WNK2: variants seen among roughly 807,000 people sequenced by gnomAD.
The protein encoded by WNK2 is WNK lysine deficient protein kinase 2.
A neutral mutation model predicts 192.1 loss-of-function variants in WNK2; 67 were observed. The observed-to-expected ratio is 0.35, with a 90% confidence interval of 0.29 to 0.43. WNK2 has a LOEUF of 0.43. Among genes scored for constraint, WNK2 ranks in the 20% least tolerant of loss-of-function variants. The pLI is 1.00. For missense variants in WNK2, 2,698 were observed against 3,089.7 expected, an observed-to-expected ratio of 0.87 and a Z score of 3.01; for synonymous variants, 1,439 against 1,393.9, an observed-to-expected ratio of 1.03 and a Z score of -0.72.
intron 7 of WNK2, among the ~76,000 whole-genome samples, chr9:93,244,265 G>T (rs182948916): frequency 1.3e-5 from 2 of 152,320 alleles, no homozygotes; most frequent in African/African-American, 4.8e-5. Flanking sequence ...AGATGGAAGA[G>T]GCCAGATGGA....
intron 8 of WNK2, among the ~76,000 whole-genome samples, chr9:93,249,907 ATTTTTTTT>A (rs58293954): frequency 1.5e-4 from 13 of 85,442 alleles, no homozygotes; most frequent in East Asian, 7.5e-4. Flanking sequence ...GATGCTACCA[ATTTTTTTT>A]TTTTTTTTTT....
Position 93,259,107 on chromosome 9 carries a change from C to A in WNK2, c.2559C>A (p.Ala853=). ...LAAPLPPASP[A]LPLQAVKLPH... ...CCCCACTCCCCCCTGCGTCCCCAGC[C>A]TTGCCTCTGCAGGCTGTGAAGCTGC... The change falls in exon 12 of 30, where the codon GCC becomes GCA. Residue 853 remains alanine (A), a synonymous_variant. Transcript: ENST00000427277. The surrounding 1 kb of genome is among the most constrained non-coding windows in gnomAD (Gnocchi z 4.8). 1 of 1,612,688 alleles carries A rather than the reference C, an allele frequency of 6.2e-7. No individual in the cohort carries two copies. The highest frequency in any genetic ancestry group is 8.5e-7 in the Non-Finnish European group (1 of 1,179,584).
intron 2 of WNK2, among the ~76,000 whole-genome samples, chr9:93,193,580 G>C (rs898342308): frequency 6.6e-6 from 1 of 152,204 alleles, no homozygotes; most frequent in African/African-American, 2.4e-5. Flanking sequence ...GGGTGTGAAC[G>C]GCAGCAGCTG....
intron 7 of WNK2, among the ~76,000 whole-genome samples, chr9:93,246,686 C>T (rs1466431404): frequency 6.6e-6 from 1 of 152,238 alleles, no homozygotes; most frequent in Non-Finnish European, 1.5e-5. Flanking sequence ...TCCCTCTGTG[C>T]CTGGCACTGC....
At chr9:93,236,600 C>T (rs1445223414) in intron 5 of WNK2, among the ~76,000 whole-genome samples, 1 of 152,250 alleles carries the variant, frequency 6.6e-6, no homozygotes, top group African/African-American at 2.4e-5. Flanking sequence ...GCAAGCAGCA[C>T]CTGGCCCCGC....
Position 93,288,796 on chromosome 9 carries a change from C to T in WNK2, c.4042C>T (p.Pro1348Ser), listed in dbSNP as rs1356761179. 6.2e-7 allele frequency: 1 copy of T among 1,610,446 alleles called. No individual in the cohort carries two copies. The highest frequency in any genetic ancestry group is 8.5e-7 in the Non-Finnish European group (1 of 1,178,882). Residue 1348 changes from proline (P) to serine (S), a missense_variant, in exon 20 of 30, where the codon CCC becomes TCC. Transcript: ENST00000427277. ...LPPEASQDSA[P>S]YKDQLSSKEQ... ...TTCCCCATTTCTTCTAGATTCAGCG[C>T]CCTATAAAGACCAGCTGTCCTCGAA... is the stretch of plus-strand genomic sequence containing the variant.
At chr9:93,243,370 C>CCACA (rs1157809335) in intron 7 of WNK2, among the ~76,000 whole-genome samples, 1 of 152,208 alleles carries the variant, frequency 6.6e-6, no homozygotes, top group East Asian at 1.9e-4. Flanking sequence ...GTGCCCATCA[C>CCACA]CACACAAGTC....
At chr9:93,206,602 A>T (rs921016869) in intron 2 of WNK2, among the ~76,000 whole-genome samples, 1 of 11,566 alleles carries the variant, frequency 8.6e-5, no homozygotes, top group Non-Finnish European at 1.8e-4. Context: ...TGACTGGGGG[A>T]GGTGGGAGGG....
intron 26 of WNK2, 166 bp from the exon 27 acceptor site, chr9:93,306,611 A>T: frequency 1.2e-6 from 1 of 831,354 alleles, no homozygotes; most frequent in Non-Finnish European, 2.0e-6. Flanking sequence ...CCCTCTCTCC[A>T]GGGGCTGCCC....
chr9:93,292,418 C>T (rs1474981220), intron 22 of WNK2, 22 bp downstream of exon 22: 1 of 1,613,764 alleles, frequency 6.2e-7, no homozygotes, highest in African/African-American at 1.3e-5. Context: ...TTGACGACCC[C>T]CTGGCTGGTT....
At chr9:93,212,361 G>A (rs1159096687) in intron 2 of WNK2, among the ~76,000 whole-genome samples, 2 of 152,236 alleles carry the variant, frequency 1.3e-5, no homozygotes, top group African/African-American at 4.8e-5. Context: ...GAGTCACAGT[G>A]TGTGGCCCCC....
At chr9:93,224,558 G>T (rs771778424) in intron 2 of WNK2, among the ~76,000 whole-genome samples, 1 of 152,206 alleles carries the variant, frequency 6.6e-6, no homozygotes, top group Non-Finnish European at 1.5e-5. Context: ...TTTGCTGCCC[G>T]GCTTGGAGGG....
intron 2 of WNK2, among the ~76,000 whole-genome samples, chr9:93,194,803 C>A (rs995054037): frequency 6.6e-6 from 1 of 152,100 alleles, no homozygotes; most frequent in South Asian, 2.1e-4. Context: ...TGGAAGCAAC[C>A]CAGATGTCCT....
chr9:93,216,535 A>C (rs1426019341), intron 2 of WNK2, among the ~76,000 whole-genome samples: 6 of 152,124 alleles, frequency 3.9e-5, no homozygotes, highest in Admixed American at 2.6e-4. Flanking sequence ...CCAAGGTGGG[A>C]GGATTGCTTG....
intron 12 of WNK2, among the ~76,000 whole-genome samples, chr9:93,260,793 G>C (rs1844099989): frequency 6.6e-6 from 1 of 152,222 alleles, no homozygotes. Flanking sequence ...GGTCCCAGCA[G>C]GTTTCAGCGG....
At position 93,268,550 on chromosome 9, in the gene WNK2, G is replaced by C. The variant is rs1215754266; in HGVS notation, c.3914-77G>C. On this transcript the variant is annotated intron_variant, in intron 18 of 29. Transcript: ENST00000427277. ...TTCACAGACCCACTGTGGCAAGTCTGGTGCAGGTGATGGGGGTCACACTGG... is the reference window on the plus strand; with the variant it reads ...TTCACAGACCCACTGTGGCAAGTCTCGTGCAGGTGATGGGGGTCACACTGG... The C allele has an allele frequency of 1.6e-5, 25 of 1,553,900 alleles. No homozygotes were observed. In the East Asian group the frequency reaches 4.6e-4, roughly 29 times the overall value.
At position 93,256,332 on chromosome 9, in the gene WNK2, G is replaced by C. The variant is rs776341036; in HGVS notation, c.2068G>C (p.Ala690Pro). The change falls in exon 10 of 30, where the codon GCC becomes CCC. Residue 690 changes from alanine (A) to proline (P), a missense_variant. Ala to Pro is a conservative substitution (Grantham distance 27). Around this residue, in one of 7 missense-constraint regions of WNK2, gnomAD observed 893 missense variants for 909.0 expected, o/e 0.98. Transcript: ENST00000427277. ...GLPVGSVPAPACPPSLQQHFP... is the reference protein window; with the variant it reads ...GLPVGSVPAPPCPPSLQQHFP... ...GCCGGTGGGCTCTGTCCCGGCCCCC[G>C]CCTGCCCTCCGTCCCTCCAGCAGCA... The C allele has an allele frequency of 8.8e-6, 14 of 1,582,392 alleles. No homozygotes were observed. The East Asian group carries it at 3.2e-4, about 36-fold the overall frequency.
At chr9:93,242,957 G>A (rs1841031560) in intron 7 of WNK2, among the ~76,000 whole-genome samples, 1 of 152,192 alleles carries the variant, frequency 6.6e-6, no homozygotes, top group African/African-American at 2.4e-5. Context: ...GTTATGCTTG[G>A]TCAGTGCTGG....
chr9:93,230,737 C>A (rs979618310), intron 3 of WNK2, 151 bp from the exon 4 acceptor site: 1 of 772,354 alleles, frequency 1.3e-6, no homozygotes, highest in Non-Finnish European at 2.0e-6. Context: ...CTGTCCGGCC[C>A]TCCCGTCTCA....
Sources: gnomAD v4.1 joint callset for allele counts (sites outside exome capture counted in the v4.1 genomes callset) on GRCh38, gnomAD v4.1.1 for gene constraint, gnomAD v4.1.1 regional missense constraint, Gnocchi (gnomAD v3.1) non-coding constraint, MANE v1.5 for transcripts, NCBI Gene and HGNC (gene_info 2026-07-23, HGNC 2026-07-21) for gene names.